ADSS1: variants seen among roughly 807,000 people sequenced by gnomAD.
The protein encoded by ADSS1 is adenylosuccinate synthetase isozyme 1.
ADSS1 carries 57 observed loss-of-function variants against 59.1 expected under a neutral mutation model. The ratio of observed to expected loss-of-function variants is 0.97; its 90% confidence interval spans 0.78 to 1.20. ADSS1 has a LOEUF of 1.20. Among genes scored for constraint, ADSS1 ranks in the 50% most tolerant of loss-of-function variants. The probability of loss-of-function intolerance (pLI) is 0.00; values close to 1 mark genes in which losing one functional copy is unlikely to be tolerated. For missense variants in ADSS1, 603 were observed against 610.3 expected (o/e 0.99, Z 0.13); for synonymous variants, 247 against 249.4 (o/e 0.99, Z 0.09).
chr14:104,730,812 G>A (rs888307406), intron 1 of ADSS1, among the ~76,000 whole-genome samples: 4 of 152,170 alleles, frequency 2.6e-5, no homozygotes, highest in Non-Finnish European at 4.4e-5. Flanking sequence ...CAGGGACAAA[G>A]CAGGGGTCAG....
chr14:104,741,186 C>A lies in ADSS1; in HGVS notation c.736C>A (p.Pro246Thr), dbSNP rs199620010. ...VYFMYEALHG[P>T]PKKILVEGAN... ...CTTTATGTATGAGGCACTCCACGGC[C>A]CCCCCAAGAAGATCCTGGTGGAGGG... The change falls in exon 8 of 13, where the codon CCC becomes ACC. Residue 246 changes from proline to threonine, a missense_variant. Pro to Thr is a conservative substitution (Grantham distance 38, BLOSUM62 -1). Coordinates refer to ENST00000330877, the MANE Select transcript of ADSS1 (RefSeq NM_152328.5). The A allele has an allele frequency of 1.2e-6, 2 of 1,612,150 alleles. No homozygotes were observed. Among genetic ancestry groups the A allele is most frequent in the Non-Finnish European group, 8.5e-7 (1 of 1,179,106 alleles).
In ADSS1 at chr14:104,731,618, G is replaced by A. The variant is rs117149599; in HGVS notation, c.193-3402G>A. On this transcript the variant is annotated intron_variant, in intron 1 of 12. Transcript: ENST00000330877. The stretch of plus-strand genomic sequence containing the variant: ...CTGCTTTCAGAGGAGCAGGGCAGCC[G>A]AGGGGTGCCTGGCAGAGAGGCCTGC... 7.7e-4 allele frequency among the ~76,000 whole-genome samples: 117 copies of A among 152,338 alleles called. 2 individuals carry two copies. In the East Asian group the frequency reaches 0.021, roughly 27 times the overall value.
intron 2 of ADSS1, among the ~76,000 whole-genome samples, chr14:104,736,902 A>ATATATATATATATATATATATATG (rs1566798282): frequency 7.3e-5 from 10 of 137,900 alleles, no homozygotes; most frequent in African/African-American, 2.8e-4. Flanking sequence ...ATATATATAT[A>ATATATATATATATATATATATATG]TATATATATA....
intron 1 of ADSS1, chr14:104,730,117 G>C: frequency 6.5e-7 from 1 of 1,548,454 alleles, no homozygotes; most frequent in Non-Finnish European, 8.7e-7. Context: ...TGGGAGAGGA[G>C]AGGGCTTGGA....
intron 2 of ADSS1, among the ~76,000 whole-genome samples, chr14:104,735,777 G>A (rs773313813): frequency 6.6e-6 from 1 of 152,216 alleles, no homozygotes; most frequent in Middle Eastern, 3.4e-3. Context: ...CCAGGGTTCC[G>A]TGGCTCTTTC....
At chr14:104,730,365 C>T in intron 1 of ADSS1, 2 of 870,252 alleles carry the variant, frequency 2.3e-6, no homozygotes, top group African/African-American at 1.7e-5. Context: ...TGGTGGGCGC[C>T]TGTAGTCCCA....
At chr14:104,727,865 G>A (rs1462561438) in intron 1 of ADSS1, among the ~76,000 whole-genome samples, 3 of 152,182 alleles carry the variant, frequency 2.0e-5, no homozygotes, top group South Asian at 2.1e-4. Context: ...TAGAATCCCC[G>A]TCCTTCTGCT....
At chr14:104,741,093 CT>C in intron 7 of ADSS1, 23 bp from the exon 8 acceptor site, 1 of 1,590,070 alleles carries the variant, frequency 6.3e-7, no homozygotes. Context: ...CAGGCTCACT[CT>C]GCTGCTTGGC....
rs1449683447 is a variant in ADSS1, at chr14:104,741,847, G to C, written c.794-1G>C. 4 of 1,613,202 alleles carry C rather than the reference G, an allele frequency of 2.5e-6. No homozygotes were observed. Among genetic ancestry groups the C allele is most frequent in the Non-Finnish European group, 8.5e-7 (1 of 1,179,922 alleles). ...CCCCCTAAACCTGCTCTGTCTTGCA[G>C]GGACCTACCCCTTTGTGACTTCATC... On this transcript the variant is annotated splice_acceptor_variant, in intron 8 of 12. Transcript: ENST00000330877. LOFTEE classifies it high-confidence loss of function.
chr14:104,732,972 C>A (rs1890985109), intron 1 of ADSS1, among the ~76,000 whole-genome samples: 1 of 152,170 alleles, frequency 6.6e-6, no homozygotes, highest in South Asian at 2.1e-4. Flanking sequence ...AGGGCCTGCC[C>A]CGTCCCGATG....
At chr14:104,744,085 G>C (rs1235084039) in intron 10 of ADSS1, among the ~76,000 whole-genome samples, 1 of 152,166 alleles carries the variant, frequency 6.6e-6, no homozygotes, top group Non-Finnish European at 1.5e-5. Flanking sequence ...TCAGTGGGTG[G>C]GTGGGCAGGG....
intron 1 of ADSS1, among the ~76,000 whole-genome samples, chr14:104,726,504 G>A (rs537990859): frequency 6.6e-6 from 1 of 152,336 alleles, no homozygotes; most frequent in South Asian, 2.1e-4. Flanking sequence ...CCTCCTAGCG[G>A]TGGGGGTTCT....
In ADSS1 at chr14:104,742,002, C is replaced by T. The variant is rs1241110435; in HGVS notation, c.948C>T (p.Asn316=). ...GGGCCTTCCCCACCGAGCAGATCAA[C>T]GTGAGTCCCCAGCCCCTCGGGACCC... ...GIGAFPTEQI[N]EIGGLLQTRG... The change falls in exon 9 of 13, where the codon AAC becomes AAT. Residue 316 remains asparagine, a splice_region_variant and synonymous_variant. Transcript: ENST00000330877. 9 of 1,612,516 alleles carry T rather than the reference C, an allele frequency of 5.6e-6. No homozygotes were observed. Among genetic ancestry groups the T allele is most frequent in the East Asian group, 2.2e-5 (1 of 44,890 alleles).
chr14:104,741,637 C>T (rs1891361724), intron 8 of ADSS1, among the ~76,000 whole-genome samples: 1 of 152,224 alleles, frequency 6.6e-6, no homozygotes, highest in African/African-American at 2.4e-5. Flanking sequence ...TTTCTCCCTC[C>T]TCTCACCCCA....
rs1031642198 is a variant in ADSS1, at chr14:104,730,039, C to T, written c.193-4981C>T. Reference sequence around the variant, plus strand: ...CAAGGAGTCTCCAGTTACTGAGTGGCCACTCCGTGCCAGCTCAGCCCACCC... The same window carrying T: ...CAAGGAGTCTCCAGTTACTGAGTGGTCACTCCGTGCCAGCTCAGCCCACCC... On this transcript the variant is annotated intron_variant, in intron 1 of 12. Coordinates refer to ENST00000330877, the MANE Select transcript of ADSS1 (RefSeq NM_152328.5). 1.3e-6 allele frequency: 2 copies of T among 1,577,824 alleles called. No homozygotes were observed. The highest frequency in any genetic ancestry group is 1.4e-5 in the African/African-American group (1 of 73,818).
chr14:104,729,966 C>G lies in ADSS1; in HGVS notation c.193-5054C>G, dbSNP rs1890858882. The G allele has an allele frequency of 6.3e-7, 1 of 1,591,208 alleles. No homozygotes were observed. Among genetic ancestry groups the G allele is most frequent in the African/African-American group, 1.3e-5 (1 of 74,260 alleles). ...CAGAGGCCCACGAACCTGGCCCTGA[C>G]CCTCAGCTCGTCCCCAGCTCACAGC... On this transcript the variant is annotated intron_variant, in intron 1 of 12. Transcript: ENST00000330877.
Position 104,736,414 on chromosome 14 carries a change from C to T in ADSS1, c.295+1292C>T, listed in dbSNP as rs528446586. Among the ~76,000 whole-genome samples, 12 of 152,382 alleles carry T rather than the reference C, an allele frequency of 7.9e-5. No individual in the cohort carries two copies. The East Asian group carries it at 1.5e-3, about 20-fold the overall frequency. ...GGCCAAAGAGGCACCGCTTAGCAAG[C>T]GGCAGGACGTGCCAGGGCTCACACA... On this transcript the variant is annotated intron_variant, in intron 2 of 12. Coordinates refer to ENST00000330877, the MANE Select transcript of ADSS1 (RefSeq NM_152328.5).
chr14:104,734,903 C>A, intron 1 of ADSS1, 117 bp from the exon 2 acceptor site: 1 of 822,288 alleles, frequency 1.2e-6, no homozygotes, highest in Non-Finnish European at 2.0e-6. Context: ...AAACCAGACA[C>A]CCCAAAATCC....
intron 2 of ADSS1, among the ~76,000 whole-genome samples, chr14:104,736,896 A>ATATATATATATATATG (rs1891152079): frequency 3.0e-5 from 2 of 65,796 alleles, no homozygotes; most frequent in African/African-American, 8.9e-5. Flanking sequence ...ATATATATAT[A>ATATATATATATATATG]TATATATATA....
Sources: allele counts gnomAD v4.1 joint callset (sites outside exome capture counted in the v4.1 genomes callset), GRCh38; gene constraint gnomAD v4.1.1; transcripts MANE v1.5; gene names NCBI Gene and HGNC (gene_info 2026-07-23, HGNC 2026-07-21).